Variants in SATB2 observed in about 807,000 individuals in gnomAD.
SATB2 encodes SATB homeobox 2.
In SATB2, 1 loss-of-function variant was observed where a neutral mutation model predicts 73.4. That is an observed-to-expected ratio of 0.01 (90% CI 0.00 to 0.06). The LOEUF is 0.06. Ranked by LOEUF, SATB2 falls within the 10% of genes least tolerant of loss-of-function variation. The pLI, the probability that SATB2 is intolerant of heterozygous loss-of-function variation, is 1.00. For synonymous variants in SATB2, 397 were observed against 367.0 expected, an observed-to-expected ratio of 1.08 and a Z score of -0.93; for missense variants, 459 against 945.8, an observed-to-expected ratio of 0.49 and a Z score of 6.75.
chr2:199,278,607 G>A (rs150934725), intron 10 of SATB2, among the ~76,000 whole-genome samples: 25 of 152,262 alleles, frequency 1.6e-4, no homozygotes, highest in African/African-American at 5.8e-4. Flanking sequence ...CATAAAATCT[G>A]AGATAGCCAA....
chr2:199,415,853 C>T (rs957290619), intron 3 of SATB2, among the ~76,000 whole-genome samples: 6 of 152,214 alleles, frequency 3.9e-5, no homozygotes, highest in Non-Finnish European at 8.8e-5. Flanking sequence ...CTCTCCAAGA[C>T]TTCTGCGAGT....
chr2:199,337,166 G>A (rs1446640), intron 7 of SATB2, among the ~76,000 whole-genome samples: 119,111 of 152,088 alleles, frequency 0.78, 48,007 homozygotes, highest in South Asian at 0.91. Flanking sequence ...GAAAATATAA[G>A]TAACTTACAG....
chr2:199,299,283 T>C (rs935003036), intron 10 of SATB2, among the ~76,000 whole-genome samples: 1 of 152,214 alleles, frequency 6.6e-6, no homozygotes, highest in African/African-American at 2.4e-5. Context: ...ACAGATGCCA[T>C]TCTTTGTAGA....
In SATB2 at chr2:199,380,477, A is replaced by G. The variant is rs1689736432; in HGVS notation, c.484T>C (p.Leu162=). ...CACTGCTCCGCAGGCAAGTCTTCCA[A>G]CTTTGAACAACTGCAAAACAGAGCA... ...LKIQLQSCSK[L]EDLPAEQWNH... The change falls in exon 5 of 11, where the codon TTG becomes CTG. Residue 162 remains leucine (L), a synonymous_variant. Coordinates refer to ENST00000417098, the MANE Select transcript of SATB2 (RefSeq NM_001172509.2). 1 of 1,613,194 alleles carries G rather than the reference A, an allele frequency of 6.2e-7. No homozygotes were observed. The highest frequency in any genetic ancestry group is 1.7e-5 in the Admixed American group (1 of 59,996).
At chr2:199,375,894 A>G (rs1689585034) in intron 5 of SATB2, among the ~76,000 whole-genome samples, 1 of 152,210 alleles carries the variant, frequency 6.6e-6, no homozygotes, top group Admixed American at 6.5e-5. Flanking sequence ...ATGCTGGTGG[A>G]AATATACTGT....
intron 10 of SATB2, among the ~76,000 whole-genome samples, chr2:199,278,362 A>G (rs73065488): frequency 0.018 from 2,739 of 152,194 alleles, 88 homozygotes; most frequent in African/African-American, 0.061. Context: ...CTAATTAAAC[A>G]AACAAACAAA....
At chr2:199,348,626 AT>A (rs1181469567) in intron 7 of SATB2, 74 bp downstream of exon 7, 2 of 1,178,182 alleles carry the variant, frequency 1.7e-6, no homozygotes, top group African/African-American at 3.1e-5. Context: ...TTTTAAAGAG[AT>A]AAAAATAATT....
At chr2:199,323,682 A>G in intron 9 of SATB2, 121 bp downstream of exon 9, 2 of 1,123,226 alleles carry the variant, frequency 1.8e-6, no homozygotes, top group Non-Finnish European at 2.7e-6. Context: ...GCAGAACATG[A>G]CAGGTTTCTT....
At chr2:199,298,615 T>G (rs1269700849) in intron 10 of SATB2, among the ~76,000 whole-genome samples, 2 of 152,188 alleles carry the variant, frequency 1.3e-5, no homozygotes, top group Non-Finnish European at 2.9e-5. Context: ...GGTAGGCTTG[T>G]ATTCTCAGAA....
intron 3 of SATB2, among the ~76,000 whole-genome samples, chr2:199,415,997 G>A (rs1574607688): frequency 6.6e-6 from 1 of 152,326 alleles, no homozygotes; most frequent in Middle Eastern, 3.4e-3. Context: ...AGGGCCACAG[G>A]GTAGAGAGGT....
intron 5 of SATB2, among the ~76,000 whole-genome samples, chr2:199,375,446 G>A (rs767398153): frequency 6.6e-6 from 1 of 152,156 alleles, no homozygotes; most frequent in African/African-American, 2.4e-5. Flanking sequence ...GACAGAGAAC[G>A]GCTAAATCAT....
chr2:199,335,638 T>C (rs545728830), intron 7 of SATB2, among the ~76,000 whole-genome samples: 1 of 152,284 alleles, frequency 6.6e-6, no homozygotes, highest in East Asian at 1.9e-4. Flanking sequence ...ATTTTTTAAA[T>C]TTCTGGGAGT....
chr2:199,441,333 T>C (rs560830692), intron 2 of SATB2, among the ~76,000 whole-genome samples: 1 of 152,216 alleles, frequency 6.6e-6, no homozygotes, highest in African/African-American at 2.4e-5. Context: ...AAAAACCAAC[T>C]AGAAAAACAA....
In SATB2 at chr2:199,271,600, G is replaced by A. The variant is rs2105705170; in HGVS notation, c.*611C>T. On this transcript the variant is annotated 3_prime_UTR_variant, in exon 11 of 11. Transcript: ENST00000417098. The stretch of plus-strand genomic sequence containing the variant: ...AGGGACAAACACAAAAAATAAATAG[G>A]AATTCAAAAATAGTCACCCCACCCT... The A allele has an allele frequency of 6.6e-6, 1 of 150,432 alleles. No homozygotes were observed. Among genetic ancestry groups the A allele is most frequent in the South Asian group, 2.2e-4 (1 of 4,592 alleles). 9.3% of individuals were successfully genotyped at this position (150,432 alleles called of 1,614,324 possible).
At chr2:199,304,220 T>C (rs1687367951) in intron 10 of SATB2, among the ~76,000 whole-genome samples, 1 of 152,206 alleles carries the variant, frequency 6.6e-6, no homozygotes, top group South Asian at 2.1e-4. Context: ...ACCTAACCAG[T>C]GTTTTATTCT....
At chr2:199,293,761 T>A (rs1274872019) in intron 10 of SATB2, among the ~76,000 whole-genome samples, 1 of 152,132 alleles carries the variant, frequency 6.6e-6, no homozygotes, top group East Asian at 1.9e-4. Flanking sequence ...ACCATGTCTG[T>A]GAGATCACAA....
At chr2:199,431,269 A>G (rs1351127033) in intron 3 of SATB2, among the ~76,000 whole-genome samples, 1 of 152,242 alleles carries the variant, frequency 6.6e-6, no homozygotes. Flanking sequence ...ATAAACACGC[A>G]GCAAACAGCA....
At chr2:199,312,263 G>A (rs114172667) in intron 9 of SATB2, among the ~76,000 whole-genome samples, 2 of 152,316 alleles carry the variant, frequency 1.3e-5, no homozygotes, top group Admixed American at 6.5e-5. Flanking sequence ...TGCTGATACA[G>A]AAGTTCATCT....
intron 3 of SATB2, among the ~76,000 whole-genome samples, chr2:199,431,861 G>A (rs1691513446): frequency 6.6e-6 from 1 of 152,198 alleles, no homozygotes; most frequent in Admixed American, 6.5e-5. Flanking sequence ...TGCAAGCAGT[G>A]GGATACAATG....
Sources: allele counts gnomAD v4.1 joint callset (sites outside exome capture counted in the v4.1 genomes callset), GRCh38; gene constraint gnomAD v4.1.1; transcripts MANE v1.5; gene names NCBI Gene and HGNC (gene_info 2026-07-23, HGNC 2026-07-21).